The following RBFOX1 variants were observed in gnomAD, a reference collection of about 807,000 sequenced individuals.
The protein encoded by RBFOX1 is RNA binding fox-1 homolog 1.
RBFOX1 carries 8 observed loss-of-function variants against 57.7 expected under a neutral mutation model. The observed-to-expected ratio is 0.14, with a 90% confidence interval of 0.08 to 0.25. The LOEUF (loss-of-function observed/expected upper bound fraction) is 0.25. Ranked by LOEUF, RBFOX1 falls within the 10% of genes least tolerant of loss-of-function variation. The pLI is 1.00. For missense variants in RBFOX1, 611 were observed against 548.5 expected, an observed-to-expected ratio of 1.11 and a Z score of -1.14; for synonymous variants, 326 against 222.4, an observed-to-expected ratio of 1.47 and a Z score of -4.15.
chr16:6,941,686 T>A (rs1016657806), intron 3 of RBFOX1, among the ~76,000 whole-genome samples: 2 of 152,122 alleles, frequency 1.3e-5, no homozygotes, highest in African/African-American at 4.8e-5. Flanking sequence ...GTAATAGAGC[T>A]GATGGTTAGG....
intron 1 of RBFOX1, among the ~76,000 whole-genome samples, chr16:6,056,396 G>C (rs573626228): frequency 6.6e-6 from 1 of 152,138 alleles, no homozygotes; most frequent in East Asian, 1.9e-4. Flanking sequence ...TCTTTTCCTC[G>C]ATCTCTCATT....
chr16:6,733,273 G>C (rs1178196699), intron 3 of RBFOX1, among the ~76,000 whole-genome samples: 1 of 152,096 alleles, frequency 6.6e-6, no homozygotes, highest in Non-Finnish European at 1.5e-5. Flanking sequence ...CAGTGTGATA[G>C]AAACAAATAT....
At chr16:7,341,759 C>CCTCCCTCCCTCCCTCCTTCT (rs2096898105) in intron 4 of RBFOX1, among the ~76,000 whole-genome samples, 1 of 114,074 alleles carries the variant, frequency 8.8e-6, no homozygotes, top group Admixed American at 9.0e-5. Flanking sequence ...TCCCTCCTTC[C>CCTCCCTCCCTCCCTCCTTCT]CTCCTTCCCT....
At chr16:7,054,549 G>GGGGGGC (rs1412324543) in intron 4 of RBFOX1, among the ~76,000 whole-genome samples, 1 of 139,988 alleles carries the variant, frequency 7.1e-6, no homozygotes, top group South Asian at 2.7e-4. Context: ...CCTGGGTGGG[G>GGGGGGC]GGGCATTTTT....
At chr16:5,858,238 G>C (rs1048898780) in intron 3 of RBFOX1, among the ~76,000 whole-genome samples, 7 of 152,082 alleles carry the variant, frequency 4.6e-5, no homozygotes, top group African/African-American at 1.7e-4. Flanking sequence ...GGTTACAATG[G>C]GAAAGGCCCA....
intron 1 of RBFOX1, among the ~76,000 whole-genome samples, chr16:6,057,825 G>GTTTTTTTTTTTTTTTTTTT (rs34335596): frequency 1.2e-5 from 1 of 81,124 alleles, no homozygotes; most frequent in East Asian, 3.7e-4. Flanking sequence ...TTTGCTATGG[G>GTTTTTTTTTTTTTTTTTTT]TTTTTTTTTT....
At chr16:7,639,107 A>C (rs1210661844) in intron 11 of RBFOX1, among the ~76,000 whole-genome samples, 2 of 152,134 alleles carry the variant, frequency 1.3e-5, no homozygotes, top group Non-Finnish European at 2.9e-5. Flanking sequence ...AGATACAGGA[A>C]TTGGGTGGTT....
At chr16:6,806,591 C>A (rs2086815318) in intron 3 of RBFOX1, among the ~76,000 whole-genome samples, 1 of 151,712 alleles carries the variant, frequency 6.6e-6, no homozygotes, top group African/African-American at 2.4e-5. Context: ...TAGTTCCCAG[C>A]AAATTTGATC....
intron 1 of RBFOX1, among the ~76,000 whole-genome samples, chr16:5,306,179 C>T (rs1024641784): frequency 6.6e-6 from 1 of 152,098 alleles, no homozygotes; most frequent in South Asian, 2.1e-4. Flanking sequence ...CCAGCCTGGG[C>T]GCATAGCAAG....
chr16:7,236,929 C>T (rs892232895), intron 4 of RBFOX1, among the ~76,000 whole-genome samples: 1 of 152,148 alleles, frequency 6.6e-6, no homozygotes, highest in Admixed American at 6.6e-5. Flanking sequence ...TATAAATGAT[C>T]TGCCTGCCTC....
At chr16:7,038,422 C>A (rs1194800172) in intron 3 of RBFOX1, among the ~76,000 whole-genome samples, 2 of 152,180 alleles carry the variant, frequency 1.3e-5, no homozygotes, top group African/African-American at 4.8e-5. Flanking sequence ...CTCCAGCCCT[C>A]CTCTGCCTTG....
chr16:6,172,204 G>A (rs924577394), intron 1 of RBFOX1, among the ~76,000 whole-genome samples: 2 of 152,146 alleles, frequency 1.3e-5, no homozygotes, highest in African/African-American at 4.8e-5. Context: ...TTGCAGCCAA[G>A]TGTGTCACTT....
At chr16:5,471,200 T>C (rs2069123134) in intron 2 of RBFOX1, among the ~76,000 whole-genome samples, 1 of 152,178 alleles carries the variant, frequency 6.6e-6, no homozygotes, top group Non-Finnish European at 1.5e-5. Flanking sequence ...CCCCAGAGCA[T>C]CTTTAGATGC....
intron 1 of RBFOX1, among the ~76,000 whole-genome samples, chr16:5,293,949 C>T (rs116318455): frequency 0.048 from 7,319 of 152,238 alleles, 388 homozygotes; most frequent in African/African-American, 0.13. Flanking sequence ...AAAAGTACTG[C>T]CAGGAGCAAT....
intron 4 of RBFOX1, among the ~76,000 whole-genome samples, chr16:7,230,507 G>T (rs563235063): frequency 6.6e-6 from 1 of 152,258 alleles, no homozygotes; most frequent in South Asian, 2.1e-4. Flanking sequence ...TGACCCATCA[G>T]GCATGATGAA....
intron 4 of RBFOX1, among the ~76,000 whole-genome samples, chr16:7,156,773 C>G (rs2077236237): frequency 6.6e-6 from 1 of 152,148 alleles, no homozygotes. Flanking sequence ...CTACTTCAAA[C>G]ACTGCATCTG....
At chr16:7,213,904 G>C (rs1276990087) in intron 4 of RBFOX1, among the ~76,000 whole-genome samples, 1 of 151,816 alleles carries the variant, frequency 6.6e-6, no homozygotes, top group African/African-American at 2.4e-5. Flanking sequence ...TTGCCAGCCA[G>C]AGGGCATGCA....
chr16:7,253,376 T>C (rs2094560779), intron 4 of RBFOX1, among the ~76,000 whole-genome samples: 1 of 152,118 alleles, frequency 6.6e-6, no homozygotes, highest in South Asian at 2.1e-4. Context: ...ATTTTCACTC[T>C]AACTGCTTTG....
chr16:6,861,246 G>C (rs1472111192), intron 3 of RBFOX1, among the ~76,000 whole-genome samples: 2 of 152,078 alleles, frequency 1.3e-5, no homozygotes, highest in Non-Finnish European at 1.5e-5. Context: ...TGAGTTTTTT[G>C]AGCACCACAC....
Sources: gnomAD v4.1 joint callset for allele counts (sites outside exome capture counted in the v4.1 genomes callset) on GRCh38, gnomAD v4.1.1 for gene constraint, MANE v1.5 for transcripts, NCBI Gene and HGNC (gene_info 2026-07-23, HGNC 2026-07-21) for gene names.